The following BEST3 variants were observed in gnomAD, a reference collection of about 807,000 sequenced individuals.
BEST3 encodes the protein bestrophin 3.
Under a neutral mutation model 47.1 loss-of-function variants are expected in BEST3, and 50 were observed. The observed-to-expected ratio is 1.06, with a 90% confidence interval of 0.85 to 1.34. The LOEUF is 1.34. Among genes scored for constraint, BEST3 ranks in the 40% most tolerant of loss-of-function variants. The probability of loss-of-function intolerance (pLI) is 0.00; values close to 1 mark genes in which losing one functional copy is unlikely to be tolerated. For missense variants in BEST3, 765 were observed against 817.0 expected, an observed-to-expected ratio of 0.94 and a Z score of 0.78; for synonymous variants, 282 against 298.8, an observed-to-expected ratio of 0.94 and a Z score of 0.58.
chr12:69,666,525 A>G (rs1302858949), intron 9 of BEST3, among the ~76,000 whole-genome samples: 4 of 152,172 alleles, frequency 2.6e-5, no homozygotes, highest in African/African-American at 9.7e-5. Context: ...GCCTCTTGGC[A>G]GGGCATTTTC....
intron 7 of BEST3, among the ~76,000 whole-genome samples, chr12:69,675,839 G>A (rs710719): frequency 5.7e-4 from 86 of 152,048 alleles, no homozygotes; most frequent in African/African-American, 2.0e-3. Flanking sequence ...GAAAGGAAAG[G>A]CTTCTGCAGG....
intron 5 of BEST3, among the ~76,000 whole-genome samples, chr12:69,677,795 G>T (rs1024266772): frequency 1.3e-5 from 2 of 151,922 alleles, no homozygotes; most frequent in East Asian, 1.9e-4. Flanking sequence ...CAAAAAAAAA[G>T]GACTTCATAG....
chr12:69,667,623 A>G (rs1884308805), intron 9 of BEST3, among the ~76,000 whole-genome samples: 2 of 152,186 alleles, frequency 1.3e-5, no homozygotes, highest in African/African-American at 4.8e-5. Context: ...GATGCATATT[A>G]GAGTCCCTGA....
intron 4 of BEST3, among the ~76,000 whole-genome samples, chr12:69,692,903 C>T (rs1036410734): frequency 6.6e-6 from 1 of 152,148 alleles, no homozygotes; most frequent in African/African-American, 2.4e-5. Context: ...GCGGGAATTA[C>T]AGGTGGGAGC....
At chr12:69,678,554 A>G (rs979089221) in intron 5 of BEST3, among the ~76,000 whole-genome samples, 185 bp downstream of exon 5, 2 of 152,212 alleles carry the variant, frequency 1.3e-5, no homozygotes, top group Non-Finnish European at 2.9e-5. Flanking sequence ...TTTCCAAGCA[A>G]CCTGAGTTTA....
In BEST3 at chr12:69,660,094, T is replaced by A. The variant is rs561464280; in HGVS notation, c.1101-4281A>T. 2.0e-5 allele frequency: 3 copies of A among 152,294 alleles called. No individual in the cohort carries two copies. In the East Asian group the frequency reaches 5.8e-4, roughly 29 times the overall value. 9.4% of individuals were successfully genotyped at this position (152,294 alleles called of 1,614,324 possible). ...ATGCTGACACCAACCAGCTGTGTGATCTTTGGGGACTCATTTAATCTCTTG... is the reference window on the plus strand; with the variant it reads ...ATGCTGACACCAACCAGCTGTGTGAACTTTGGGGACTCATTTAATCTCTTG... On this transcript the variant is annotated intron_variant, in intron 9 of 9. Coordinates refer to ENST00000330891, the MANE Select transcript of BEST3 (RefSeq NM_032735.3).
At chr12:69,661,818 T>G (rs1883890790) in intron 9 of BEST3, among the ~76,000 whole-genome samples, 1 of 152,162 alleles carries the variant, frequency 6.6e-6, no homozygotes, top group South Asian at 2.1e-4. Flanking sequence ...ATGACCCCAC[T>G]ACTACCCGTG....
chr12:69,693,818 T>C lies in BEST3; in HGVS notation c.337A>G (p.Ser113Gly). 1 of 1,614,148 alleles carries C rather than the reference T, an allele frequency of 6.2e-7. No individual in the cohort carries two copies. Among genetic ancestry groups the C allele is most frequent in the Non-Finnish European group, 8.5e-7 (1 of 1,180,014 alleles). Residue 113 changes from serine (S) to glycine (G), a missense_variant, in exon 4 of 10, where the codon AGT becomes GGT. Transcript: ENST00000330891. ...CCGTGCTCGTCGCTTCCGTGAACAC[T>C]GCTAGAGATGAGGAACATTAGCCTG... Reference protein sequence around the residue: ...PDRLMFLISSSVHGSDEHGRL... With the variant: ...PDRLMFLISSGVHGSDEHGRL...
chr12:69,693,660 G>C lies in BEST3; in HGVS notation c.481+14C>G. ...CTGAGAAGAGCCCATGGAAGGAAAA[G>C]CCATTCATAGTACCTGCTTCAACCA... is the stretch of plus-strand genomic sequence containing the variant. On this transcript the variant is annotated intron_variant, in intron 4 of 9. Transcript: ENST00000330891. 6.3e-7 allele frequency: 1 copy of C among 1,577,070 alleles called. No individual in the cohort carries two copies. Among genetic ancestry groups the C allele is most frequent in the Non-Finnish European group, 8.7e-7 (1 of 1,147,638 alleles).
chr12:69,677,495 T>A (rs1884995775), intron 5 of BEST3, among the ~76,000 whole-genome samples: 1 of 152,206 alleles, frequency 6.6e-6, no homozygotes, highest in Admixed American at 6.5e-5. Flanking sequence ...TTAAAATAAG[T>A]CATGGCCAGG....
chr12:69,694,117 T>G, intron 3 of BEST3: 1 of 574,756 alleles, frequency 1.7e-6, no homozygotes, highest in Non-Finnish European at 3.1e-6. Flanking sequence ...ATCTCAAATA[T>G]TGACTGCAAA....
intron 1 of BEST3, among the ~76,000 whole-genome samples, chr12:69,698,489 AACAG>A (rs138223084): frequency 0.31 from 47,825 of 151,918 alleles, 8,435 homozygotes; most frequent in South Asian, 0.55. Flanking sequence ...CAGGTTTTGA[AACAG>A]ACAGCGCAAA....
At chr12:69,665,008 G>C (rs1051364656) in intron 9 of BEST3, among the ~76,000 whole-genome samples, 1 of 152,180 alleles carries the variant, frequency 6.6e-6, no homozygotes. Context: ...TGCTAAAAGG[G>C]ATGCCAAGTC....
intron 4 of BEST3, among the ~76,000 whole-genome samples, chr12:69,681,765 T>C (rs1049455088): frequency 6.6e-6 from 1 of 151,958 alleles, no homozygotes; most frequent in African/African-American, 2.4e-5. Flanking sequence ...CACCTTAGAA[T>C]CTCATAAGGG....
Position 69,655,583 on chromosome 12 carries a change from G to A in BEST3, c.1331C>T (p.Pro444Leu), listed in dbSNP as rs745535088. 2.4e-5 allele frequency: 38 copies of A among 1,613,880 alleles called. No individual in the cohort carries two copies. The East Asian group carries it at 8.2e-4, about 35-fold the overall frequency. Residue 444 changes from proline (P) to leucine (L), a missense_variant, in exon 10 of 10, where the codon CCC becomes CTC. By Grantham distance (98) the Pro-to-Leu change is moderately conservative (BLOSUM62 -3). Transcript: ENST00000330891. ...DLLDVPSRNP[P>L]RASPTWKKSC... is the part of the protein sequence containing the mutation. ...TTTCTTCCAGGTGGGTGAGGCCCTG[G>A]GGGGGTTTCTTGAGGGCACATCCAG... is the stretch of plus-strand genomic sequence containing the variant.
intron 4 of BEST3, among the ~76,000 whole-genome samples, chr12:69,685,608 G>A (rs1363691374): frequency 6.6e-6 from 1 of 152,124 alleles, no homozygotes; most frequent in East Asian, 1.9e-4. Context: ...AGTTTAGGTT[G>A]AACAACTGCC....
chr12:69,673,099 G>T (rs932129131), intron 7 of BEST3, 134 bp from the exon 8 acceptor site: 89 of 641,014 alleles, frequency 1.4e-4, no homozygotes, highest in Non-Finnish European at 2.3e-4. Context: ...GGAGTAGATT[G>T]TTCTACCGAG....
chr12:69,693,758 T>C lies in BEST3; in HGVS notation c.397A>G (p.Asn133Asp), dbSNP rs1390765541. ...CGAAAGATGAGCAGGGAGGTGAGAT[T>C]GACGTAGCGCATCAGCGTCCTTCTA... ...LLRRTLMRYV[N>D]LTSLLIFRSV... is the part of the protein sequence containing the mutation. The change falls in exon 4 of 10, where the codon AAT becomes GAT. Residue 133 changes from asparagine to aspartate, a missense_variant. Asn to Asp is a conservative substitution (Grantham distance 23). Coordinates refer to ENST00000330891, the MANE Select transcript of BEST3 (RefSeq NM_032735.3). 7 of 1,614,148 alleles carry C rather than the reference T, an allele frequency of 4.3e-6. No individual in the cohort carries two copies. In the South Asian group the frequency reaches 6.6e-5, roughly 15 times the overall value.
chr12:69,671,806 C>T (rs1222756433), intron 8 of BEST3, among the ~76,000 whole-genome samples: 2 of 152,096 alleles, frequency 1.3e-5, no homozygotes, highest in African/African-American at 4.8e-5. Context: ...GGCTTGAAGC[C>T]TCCCACACTC....
Sources: gnomAD v4.1 joint callset for allele counts (sites outside exome capture counted in the v4.1 genomes callset) on GRCh38, gnomAD v4.1.1 for gene constraint, MANE v1.5 for transcripts, NCBI Gene and HGNC (gene_info 2026-07-23, HGNC 2026-07-21) for gene names.